Variants in TMEM170B observed in about 807,000 individuals in gnomAD.
The protein encoded by TMEM170B is transmembrane protein 170B.
A neutral mutation model predicts 13.0 loss-of-function variants in TMEM170B; 6 were observed. That is an observed-to-expected ratio of 0.46 (90% CI 0.25 to 0.91). The LOEUF (loss-of-function observed/expected upper bound fraction) is 0.91, where lower values mean the gene tolerates loss of function less well. TMEM170B is among the 40% of genes least tolerant of loss of function. The pLI, the probability that TMEM170B is intolerant of heterozygous loss-of-function variation, is 0.17. For synonymous variants in TMEM170B, 61 were observed against 64.9 expected, an observed-to-expected ratio of 0.94 and a Z score of 0.29; for missense variants, 138 against 165.2, an observed-to-expected ratio of 0.84 and a Z score of 0.90.
chr6:11,559,451 G>A (rs1277719110), intron 1 of TMEM170B, among the ~76,000 whole-genome samples: 1 of 152,052 alleles, frequency 6.6e-6, no homozygotes, highest in Admixed American at 6.6e-5. Context: ...CTCCCAAACT[G>A]CTGGGATTAC....
intron 2 of TMEM170B, among the ~76,000 whole-genome samples, chr6:11,568,020 G>C (rs938105203): frequency 5.3e-5 from 8 of 152,148 alleles, no homozygotes; most frequent in Non-Finnish European, 1.5e-5. Flanking sequence ...CTTCATCACT[G>C]CTCGATCCCC....
Position 11,575,341 on chromosome 6 carries a change from A to G in TMEM170B, c.269-90A>G. The G allele has an allele frequency of 3.4e-6, 5 of 1,475,932 alleles. No homozygotes were observed. The highest frequency in any genetic ancestry group is 4.6e-6 in the Non-Finnish European group (5 of 1,087,270). The allele number at this position is 1,475,932 out of a possible 1,614,324, so 91.4% of individuals were successfully genotyped here. On this transcript the variant is annotated intron_variant, in intron 2 of 2. Coordinates refer to ENST00000379426, the MANE Select transcript of TMEM170B (RefSeq NM_001100829.3). The surrounding 1 kb of genome is among the most constrained non-coding windows in gnomAD (Gnocchi z 4.1). ...GAAAAAAATGATGACTTATGTTTTG[A>G]TGAAATGAAAAGAGCTCTTAAGGTG...
At chr6:11,544,178 A>G (rs1759399366) in intron 1 of TMEM170B, among the ~76,000 whole-genome samples, 1 of 152,178 alleles carries the variant, frequency 6.6e-6, no homozygotes, top group African/African-American at 2.4e-5. Flanking sequence ...GAGAGAATAA[A>G]TATTACGGTA....
intron 1 of TMEM170B, among the ~76,000 whole-genome samples, chr6:11,565,363 A>G (rs1322678441): frequency 6.6e-6 from 1 of 152,260 alleles, no homozygotes; most frequent in Non-Finnish European, 1.5e-5. Flanking sequence ...AGAAGTTTAC[A>G]AATATATCAG....
At chr6:11,547,066 T>A (rs577395616) in intron 1 of TMEM170B, among the ~76,000 whole-genome samples, 1 of 152,366 alleles carries the variant, frequency 6.6e-6, no homozygotes, top group Non-Finnish European at 1.5e-5. Context: ...TAACTGTAAT[T>A]GCAGAAAGTG....
chr6:11,562,835 A>ATTT (rs1759686727), intron 1 of TMEM170B, among the ~76,000 whole-genome samples: 1 of 152,138 alleles, frequency 6.6e-6, no homozygotes, highest in Middle Eastern at 3.2e-3. Context: ...TATATCCACC[A>ATTT]CTATAGTCAA....
intron 1 of TMEM170B, among the ~76,000 whole-genome samples, chr6:11,562,682 A>C (rs1759683349): frequency 6.6e-6 from 1 of 152,178 alleles, no homozygotes; most frequent in Non-Finnish European, 1.5e-5. Flanking sequence ...GGAACATCTC[A>C]GAAATCCACA....
In TMEM170B at chr6:11,546,459, G is replaced by A. The variant is rs73357836; in HGVS notation, c.97+8085G>A. 3.2e-3 allele frequency among the ~76,000 whole-genome samples: 484 copies of A among 152,230 alleles called. 5 individuals carry two copies. Among genetic ancestry groups the A allele is most frequent in the African/African-American group, 0.011 (455 of 41,534 alleles). On this transcript the variant is annotated intron_variant, in intron 1 of 2. Coordinates refer to ENST00000379426, the MANE Select transcript of TMEM170B (RefSeq NM_001100829.3). The stretch of plus-strand genomic sequence containing the variant: ...ATATTTTAAAAATAAATTTAGTGTA[G>A]CCTGTGTATAGTGTTTATAAAGTCT...
At chr6:11,564,356 T>C (rs1379083629) in intron 1 of TMEM170B, among the ~76,000 whole-genome samples, 1 of 152,254 alleles carries the variant, frequency 6.6e-6, no homozygotes, top group African/African-American at 2.4e-5. Context: ...CTACCAACAG[T>C]AAATATCTAT....
chr6:11,542,754 A>C (rs1398023832), intron 1 of TMEM170B, among the ~76,000 whole-genome samples: 2 of 152,224 alleles, frequency 1.3e-5, no homozygotes, highest in South Asian at 2.1e-4. Flanking sequence ...ATCATTAGTT[A>C]ACAGATGCTG....
chr6:11,573,114 A>G (rs1293671458), intron 2 of TMEM170B, among the ~76,000 whole-genome samples: 2 of 151,958 alleles, frequency 1.3e-5, no homozygotes, highest in African/African-American at 4.8e-5. Context: ...TATAGCAAAT[A>G]TTTTTCCAGT....
At chr6:11,552,961 G>A (rs1221741156) in intron 1 of TMEM170B, among the ~76,000 whole-genome samples, 3 of 152,174 alleles carry the variant, frequency 2.0e-5, no homozygotes, top group Non-Finnish European at 4.4e-5. Context: ...AGCTCCTATT[G>A]TCAGGGAGTT....
intron 2 of TMEM170B, among the ~76,000 whole-genome samples, chr6:11,568,999 C>T (rs1466877988): frequency 1.3e-5 from 2 of 152,072 alleles, no homozygotes; most frequent in Admixed American, 1.3e-4. Flanking sequence ...TTTAGCCAGT[C>T]TAAAAGTGTA....
chr6:11,578,426 C>A lies in TMEM170B; in HGVS notation c.*2865C>A, dbSNP rs746484304. 18 of 152,088 alleles carry A rather than the reference C, an allele frequency of 1.2e-4. No homozygotes were observed. Among genetic ancestry groups the A allele is most frequent in the Non-Finnish European group, 2.6e-4 (18 of 68,000 alleles). 9.4% of individuals were successfully genotyped at this position (152,088 alleles called of 1,614,324 possible). ...TGAAATCAGCTCCCCAAAGAAGGAA[C>A]TCCTACATGCCCAAACTAATTACAG... On this transcript the variant is annotated 3_prime_UTR_variant, in exon 3 of 3. Coordinates refer to ENST00000379426, the MANE Select transcript of TMEM170B (RefSeq NM_001100829.3).
intron 2 of TMEM170B, among the ~76,000 whole-genome samples, chr6:11,566,277 A>G (rs1010819356): frequency 1.1e-4 from 16 of 152,220 alleles, no homozygotes; most frequent in Admixed American, 1.3e-4. Flanking sequence ...TTCTTCTTAT[A>G]TACACATTAT....
intron 2 of TMEM170B, among the ~76,000 whole-genome samples, chr6:11,567,868 C>T (rs771210717): frequency 2.0e-5 from 3 of 152,056 alleles, no homozygotes; most frequent in Non-Finnish European, 2.9e-5. Context: ...TTTATTCTGC[C>T]GGCCATGGAA....
chr6:11,573,194 A>G (rs1390077132), intron 2 of TMEM170B, among the ~76,000 whole-genome samples: 2 of 152,040 alleles, frequency 1.3e-5, no homozygotes, highest in African/African-American at 4.8e-5. Context: ...TTTTCCTAGG[A>G]TCATAAACAT....
At chr6:11,556,588 C>T (rs2113771345) in intron 1 of TMEM170B, among the ~76,000 whole-genome samples, 1 of 152,256 alleles carries the variant, frequency 6.6e-6, no homozygotes, top group African/African-American at 2.4e-5. Context: ...GGGGCTTTGT[C>T]AGCATTCCTG....
chr6:11,553,558 A>G (rs1015399602), intron 1 of TMEM170B, among the ~76,000 whole-genome samples: 15 of 152,152 alleles, frequency 9.9e-5, no homozygotes, highest in African/African-American at 3.6e-4. Context: ...TTTTTACTTT[A>G]GACAAGTCAT....
Sources: allele counts gnomAD v4.1 joint callset (sites outside exome capture counted in the v4.1 genomes callset), GRCh38; gene constraint gnomAD v4.1.1; non-coding constraint Gnocchi (gnomAD v3.1); transcripts MANE v1.5; gene names NCBI Gene and HGNC (gene_info 2026-07-23, HGNC 2026-07-21).